DNAJC3: variants seen among roughly 807,000 people sequenced by gnomAD.
The protein encoded by DNAJC3 is dnaJ homolog subfamily C member 3.
DNAJC3 carries 38 observed loss-of-function variants against 68.6 expected under a neutral mutation model. The ratio of observed to expected loss-of-function variants is 0.55; its 90% CI spans 0.43 to 0.73. The LOEUF (loss-of-function observed/expected upper bound fraction) is 0.73, where lower values mean the gene tolerates loss of function less well. DNAJC3 is among the 30% of genes least tolerant of loss of function. The probability of loss-of-function intolerance (pLI) is 0.00; values close to 1 mark genes in which losing one functional copy is unlikely to be tolerated. For synonymous variants in DNAJC3, 203 were observed against 204.0 expected, an observed-to-expected ratio of 1.00 and a Z score of 0.04; for missense variants, 526 against 591.9, an observed-to-expected ratio of 0.89 and a Z score of 1.16.
chr13:95,779,127 T>TC (rs1883368905), intron 9 of DNAJC3, among the ~76,000 whole-genome samples: 1 of 138,198 alleles, frequency 7.2e-6, no homozygotes, highest in Non-Finnish European at 1.6e-5. Flanking sequence ...TTCTTTTTTT[T>TC]TTTTTTTTTT....
At chr13:95,692,795 T>A (rs182947654) in intron 1 of DNAJC3, 1 of 151,150 alleles carries the variant, frequency 6.6e-6, no homozygotes, top group Non-Finnish European at 1.5e-5. Flanking sequence ...CAACCACACC[T>A]AGCACTTCTA....
chr13:95,788,860 C>T (rs1206709114), intron 11 of DNAJC3, among the ~76,000 whole-genome samples: 1 of 152,200 alleles, frequency 6.6e-6, no homozygotes, highest in Non-Finnish European at 1.5e-5. Context: ...AGTCTAACTG[C>T]ATTAGCTTTT....
intron 4 of DNAJC3, among the ~76,000 whole-genome samples, chr13:95,731,116 T>C (rs2139648453): frequency 6.6e-6 from 1 of 152,334 alleles, no homozygotes; most frequent in Admixed American, 6.5e-5. Flanking sequence ...TATTGGTGTA[T>C]AGAGATGCTA....
chr13:95,761,444 C>T (rs1882816868), intron 7 of DNAJC3, among the ~76,000 whole-genome samples: 1 of 152,068 alleles, frequency 6.6e-6, no homozygotes, highest in Non-Finnish European at 1.5e-5. Flanking sequence ...AAAATAGGCT[C>T]CAATTCCTCT....
At chr13:95,761,369 G>A (rs997584034) in intron 7 of DNAJC3, among the ~76,000 whole-genome samples, 1 of 152,054 alleles carries the variant, frequency 6.6e-6, no homozygotes, top group East Asian at 1.9e-4. Flanking sequence ...GTTTGTAGGG[G>A]GTTTATAGGC....
chr13:95,786,953 G>T, intron 10 of DNAJC3, 54 bp from the exon 11 acceptor site: 2 of 1,557,272 alleles, frequency 1.3e-6, no homozygotes, highest in South Asian at 2.4e-5. Flanking sequence ...TGATTTTTAT[G>T]ATAGTATGTT....
chr13:95,677,780 G>A (rs1594764095), intron 1 of DNAJC3, among the ~76,000 whole-genome samples: 1 of 152,310 alleles, frequency 6.6e-6, no homozygotes, highest in Middle Eastern at 3.4e-3. Context: ...TTCTTGGGTG[G>A]GGAAGGAGTG....
At chr13:95,722,189 G>A (rs994321858) in intron 2 of DNAJC3, among the ~76,000 whole-genome samples, 3 of 152,068 alleles carry the variant, frequency 2.0e-5, no homozygotes, top group African/African-American at 4.8e-5. Flanking sequence ...AAATTAGCTC[G>A]GAAACCTAAT....
intron 4 of DNAJC3, among the ~76,000 whole-genome samples, chr13:95,739,230 G>A (rs547836900): frequency 2.6e-5 from 4 of 152,208 alleles, no homozygotes; most frequent in Non-Finnish European, 4.4e-5. Flanking sequence ...AGGGTAACCC[G>A]ACCTTCCTCT....
At chr13:95,788,628 G>GA (rs1883672314) in intron 11 of DNAJC3, among the ~76,000 whole-genome samples, 1 of 152,000 alleles carries the variant, frequency 6.6e-6, no homozygotes, top group Non-Finnish European at 1.5e-5. Context: ...TTTTCTCATT[G>GA]AAAAATGGTT....
At chr13:95,787,584 G>T (rs1030459649) in intron 11 of DNAJC3, among the ~76,000 whole-genome samples, 8 of 152,124 alleles carry the variant, frequency 5.3e-5, no homozygotes, top group African/African-American at 1.9e-4. Context: ...ACAGCTGTCT[G>T]GCCTAGGGCC....
chr13:95,691,897 A>G (rs938511057), intron 1 of DNAJC3, among the ~76,000 whole-genome samples: 2 of 152,244 alleles, frequency 1.3e-5, no homozygotes, highest in African/African-American at 2.4e-5. Flanking sequence ...CACCAAAAAA[A>G]TACGAAAACC....
At chr13:95,709,571 G>C (rs1593968209) in intron 2 of DNAJC3, among the ~76,000 whole-genome samples, 1 of 151,526 alleles carries the variant, frequency 6.6e-6, no homozygotes, top group Admixed American at 6.6e-5. Context: ...TACTACCAAG[G>C]ATAACTCAAG....
At chr13:95,722,852 T>C (rs759879086) in intron 2 of DNAJC3, among the ~76,000 whole-genome samples, 18 of 99,026 alleles carry the variant, frequency 1.8e-4, no homozygotes, top group Non-Finnish European at 3.3e-4. Context: ...CGAAAAAGGT[T>C]ATAAGTTGAA....
chr13:95,780,772 T>C (rs1222695301), intron 9 of DNAJC3, among the ~76,000 whole-genome samples: 1 of 152,178 alleles, frequency 6.6e-6, no homozygotes, highest in Admixed American at 6.5e-5. Context: ...GAGTAGACTT[T>C]TAGGGGAATA....
At position 95,791,092 on chromosome 13, in the gene DNAJC3, C is replaced by A; in HGVS notation, c.*62C>A. ...GATTAAAAACAAAGAAATCTTGTTC[C>A]GGGACCCTAATGAAAAAAAATTTCA... On this transcript the variant is annotated 3_prime_UTR_variant, in exon 12 of 12. Coordinates refer to ENST00000602402, the MANE Select transcript of DNAJC3 (RefSeq NM_006260.5). 1.9e-6 allele frequency: 3 copies of A among 1,577,206 alleles called. No homozygotes were observed. Among genetic ancestry groups the A allele is most frequent in the Non-Finnish European group, 2.6e-6 (3 of 1,161,618 alleles).
intron 4 of DNAJC3, among the ~76,000 whole-genome samples, chr13:95,729,883 C>T (rs938622903): frequency 2.0e-5 from 3 of 152,034 alleles, no homozygotes; most frequent in African/African-American, 7.2e-5. Context: ...CTTTCAGTTC[C>T]TTGTATATTC....
chr13:95,781,592 C>G (rs572065717), intron 9 of DNAJC3, among the ~76,000 whole-genome samples: 1 of 152,102 alleles, frequency 6.6e-6, no homozygotes. Context: ...GCTTACGTCT[C>G]CCATCCTAAG....
chr13:95,737,747 A>G (rs1284266452), intron 4 of DNAJC3, among the ~76,000 whole-genome samples: 16 of 147,462 alleles, frequency 1.1e-4, no homozygotes, highest in Admixed American at 8.1e-4. Flanking sequence ...TGGTCTATCA[A>G]TTTTGTTGAT....
Sources: gnomAD v4.1 joint callset for allele counts (sites outside exome capture counted in the v4.1 genomes callset) on GRCh38, gnomAD v4.1.1 for gene constraint, MANE v1.5 for transcripts, NCBI Gene and HGNC (gene_info 2026-07-23, HGNC 2026-07-21) for gene names.